LRCH4: variants seen among roughly 807,000 people sequenced by gnomAD.
LRCH4 encodes leucine-rich repeat and calponin homology domain-containing protein 4.
A neutral mutation model predicts 81.2 loss-of-function variants in LRCH4; 56 were observed. That is an observed-to-expected ratio of 0.69 (90% confidence interval 0.56 to 0.86). The LOEUF (loss-of-function observed/expected upper bound fraction) is 0.86, where lower values mean the gene tolerates loss of function less well. Ranked by LOEUF, LRCH4 falls within the 40% of genes least tolerant of loss-of-function variation. LRCH4 has a pLI of 0.00. For synonymous variants in LRCH4, 442 were observed against 409.7 expected, an observed-to-expected ratio of 1.08 and a Z score of -0.95; for missense variants, 895 against 922.8, an observed-to-expected ratio of 0.97 and a Z score of 0.39.
chr7:100,584,674 C>G (rs1430320263), intron 1 of LRCH4: 1 of 456,380 alleles, frequency 2.2e-6, no homozygotes, highest in African/African-American at 2.0e-5. Flanking sequence ...GGAGCTCACT[C>G]ATTCCCCATC....
In LRCH4 at chr7:100,575,537, A is replaced by ACATGCAGGGCAGGGGG. The variant is rs748664933; in HGVS notation, c.1854+152_1854+167dup. On this transcript the variant is annotated intron_variant, in intron 17 of 17. Coordinates refer to ENST00000310300, the MANE Select transcript of LRCH4 (RefSeq NM_002319.5). The surrounding 1 kb of genome is among the most constrained non-coding windows in gnomAD (Gnocchi z 5.3). ...GGGCAGGGGATGTGTAGGACAGGTG[A>ACATGCAGGGCAGGGGG]CATGCAGGGCAGGGGGCATGCAGGG... 35 of 912,742 alleles carry ACATGCAGGGCAGGGGG rather than the reference A, an allele frequency of 3.8e-5. No individual in the cohort carries two copies. Among genetic ancestry groups the ACATGCAGGGCAGGGGG allele is most frequent in the Middle Eastern group, 2.1e-4 (1 of 4,670 alleles). 56.5% of individuals were successfully genotyped at this position (912,742 alleles called of 1,614,324 possible).
chr7:100,584,265 G>A (rs899654715), intron 1 of LRCH4: 3 of 456,338 alleles, frequency 6.6e-6, no homozygotes, highest in African/African-American at 4.0e-5. Flanking sequence ...AGGGGACAGA[G>A]GAGAGAATTC....
In LRCH4 at chr7:100,575,191, G is replaced by C; in HGVS notation, c.1968C>G (p.Pro656=). Residue 656 remains proline, a synonymous_variant, in exon 18 of 18, where the codon CCC becomes CCG. Coordinates refer to ENST00000310300, the MANE Select transcript of LRCH4 (RefSeq NM_002319.5). The surrounding 1 kb of genome is among the most constrained non-coding windows in gnomAD (Gnocchi z 5.3). Reference sequence around the variant, plus strand: ...AGACGACGAAGCCGCCCAGACCAGAGGGGGGCCAGAGGGGCGGTAGGGCCT... The same window carrying C: ...AGACGACGAAGCCGCCCAGACCAGACGGGGGCCAGAGGGGCGGTAGGGCCT... ...GGKALPPLWP[P]SGLGGFVVFY... is the part of the protein sequence containing the mutation. The C allele has an allele frequency of 1.2e-6, 2 of 1,613,152 alleles. No homozygotes were observed. Among genetic ancestry groups the C allele is most frequent in the South Asian group, 1.1e-5 (1 of 90,940 alleles).
In LRCH4 at chr7:100,577,141, C is replaced by T. The variant is rs1204234621; in HGVS notation, c.1309G>A (p.Gly437Arg). Residue 437 changes from glycine (G) to arginine (R), a missense_variant, in exon 12 of 18, where the codon GGG becomes AGG. Gly to Arg is a moderately radical substitution (Grantham distance 125). Coordinates refer to ENST00000310300, the MANE Select transcript of LRCH4 (RefSeq NM_002319.5). This position sits in a 1 kb window ranked among gnomAD's most constrained non-coding sequence, Gnocchi z 6.7. ...GCCCCTCCCACAACAGCCCTGAGCC[C>T]TGGCTTCAAGAGGCTGGAACAAGGA... ...APRKDSLLKPGLRAVVGGAAA... is the reference protein window; with the variant it reads ...APRKDSLLKPRLRAVVGGAAA... The T allele has an allele frequency of 6.2e-7, 1 of 1,614,084 alleles. No homozygotes were observed. Among genetic ancestry groups the T allele is most frequent in the South Asian group, 1.1e-5 (1 of 91,080 alleles).
chr7:100,580,461 GCAAACAACATACATACACACAGACA>G (rs1281574946), intron 4 of LRCH4: 7 of 112,762 alleles, frequency 6.2e-5, no homozygotes, highest in Non-Finnish European at 7.5e-5. Context: ...CCACACACAC[GCAAACAACATACATACACACAGACA>G]CAAACAACAT....
Position 100,575,776 on chromosome 7 carries a change from GTT to G in LRCH4, c.1781_1782del (p.Lys594ThrfsTer24). The G allele has an allele frequency of 6.2e-7, 1 of 1,609,210 alleles. No homozygotes were observed. The highest frequency in any genetic ancestry group is 1.1e-5 in the South Asian group (1 of 90,878). On this transcript the variant is annotated frameshift_variant, in exon 17 of 18. Coordinates refer to ENST00000310300, the MANE Select transcript of LRCH4 (RefSeq NM_002319.5). LOFTEE classifies it high-confidence loss of function. The surrounding 1 kb of genome is among the most constrained non-coding windows in gnomAD (Gnocchi z 5.3). ...TTCTTCCGAGCCTTGAGGGCACTGA[GTT>G]TTGGCTGGGGTGGGTGAAAGAAGAA... is the stretch of plus-strand genomic sequence containing the variant. ...FIHVPSPAVP[K>X]LSALKARKNV...
At chr7:100,580,004 A>ATT (rs1201300635) in intron 4 of LRCH4, 2 of 152,106 alleles carry the variant, frequency 1.3e-5, no homozygotes, top group Non-Finnish European at 2.9e-5. Context: ...AGGGTCAGGG[A>ATT]GTAGGGAGAC....
chr7:100,586,122 G>T lies in LRCH4; in HGVS notation c.-22C>A. 1 of 1,503,778 alleles carries T rather than the reference G, an allele frequency of 6.6e-7. No homozygotes were observed. Among genetic ancestry groups the T allele is most frequent in the Non-Finnish European group, 8.9e-7 (1 of 1,122,468 alleles). 93.2% of individuals were successfully genotyped at this position (1,503,778 alleles called of 1,614,324 possible). On this transcript the variant is annotated 5_prime_UTR_variant, in exon 1 of 18. Coordinates refer to ENST00000310300, the MANE Select transcript of LRCH4 (RefSeq NM_002319.5). The stretch of plus-strand genomic sequence containing the variant: ...CCATCCGCTCCCGGCGGCTCCCGCT[G>T]CCTGACTGACGGGACCGGCCGTCCC...
rs374779281 is a variant in LRCH4 at position 100,577,774 on chromosome 7, G to A, written c.1040-34C>T. The A allele has an allele frequency of 1.9e-6, 3 of 1,613,834 alleles. No homozygotes were observed. The East Asian group carries it at 6.7e-5, about 36-fold the overall frequency. ...GCCAGCATGTCAGCAAGTGAGCGGG[G>A]ACCCAGGCCCTGGTCCAGCCCAGCT... is the stretch of plus-strand genomic sequence containing the variant. On this transcript the variant is annotated intron_variant, in intron 8 of 17. Coordinates refer to ENST00000310300, the MANE Select transcript of LRCH4 (RefSeq NM_002319.5). The surrounding 1 kb of genome is among the most constrained non-coding windows in gnomAD (Gnocchi z 6.7).
chr7:100,583,203 G>A lies in LRCH4; in HGVS notation c.221-744C>T, dbSNP rs1801615473. On this transcript the variant is annotated intron_variant, in intron 1 of 17. Coordinates refer to ENST00000310300, the MANE Select transcript of LRCH4 (RefSeq NM_002319.5). This position sits in a 1 kb window ranked among gnomAD's most constrained non-coding sequence, Gnocchi z 4.3. ...TTCCTACCCTCTGCTAGCCCTAGCA[G>A]CCCGGCTCTGCTTCCTCTCTTACTG... Among the ~76,000 whole-genome samples the A allele has an allele frequency of 1.3e-5, 2 of 152,172 alleles. No homozygotes were observed. The highest frequency in any genetic ancestry group is 2.9e-5 in the Non-Finnish European group (2 of 68,026).
Position 100,577,332 on chromosome 7 carries a change from C to A in LRCH4, c.1236G>T (p.Gln412His). The change falls in exon 11 of 18, where the codon CAG becomes CAT. Residue 412 changes from glutamine (Q) to histidine (H), a missense_variant. Around this residue, in one of 3 missense-constraint regions of LRCH4, gnomAD observed 529 missense variants for 504.9 expected, o/e 1.05. Coordinates refer to ENST00000310300, the MANE Select transcript of LRCH4 (RefSeq NM_002319.5). The surrounding 1 kb of genome is among the most constrained non-coding windows in gnomAD (Gnocchi z 6.7). ...RRRPDTLQLW[Q>H]ERERRQQQQS... Reference sequence around the variant, plus strand: ...GCTGCTGCTGCCGCCGTTCCCGCTCCTGCCACAGCTGCAAGGTGTCCGGGC... The same window carrying A: ...GCTGCTGCTGCCGCCGTTCCCGCTCATGCCACAGCTGCAAGGTGTCCGGGC... 1 of 1,599,422 alleles carries A rather than the reference C, an allele frequency of 6.3e-7. No individual in the cohort carries two copies. Among genetic ancestry groups the A allele is most frequent in the Non-Finnish European group, 8.5e-7 (1 of 1,179,168 alleles).
intron 1 of LRCH4, among the ~76,000 whole-genome samples, chr7:100,585,642 G>C (rs1302489089): frequency 1.3e-5 from 2 of 152,152 alleles, no homozygotes; most frequent in Non-Finnish European, 2.9e-5. Context: ...TAAAGAGAAA[G>C]GAGGAATCTC....
intron 15 of LRCH4, 81 bp downstream of exon 15, chr7:100,576,157 A>C: frequency 1.3e-6 from 2 of 1,515,214 alleles, no homozygotes; most frequent in Non-Finnish European, 1.8e-6. Context: ...GAGGATGTGG[A>C]GGGAGGCTGG....
intron 1 of LRCH4, chr7:100,584,325 G>A (rs1030995202): frequency 1.4e-5 from 6 of 435,082 alleles, no homozygotes; most frequent in Non-Finnish European, 2.3e-5. Context: ...TGTGTAGAGA[G>A]TGGGGCAGAG....
chr7:100,585,978 G>C lies in LRCH4; in HGVS notation c.123C>G (p.Ala41=), dbSNP rs1310915116. The C allele has an allele frequency of 1.5e-5, 24 of 1,612,038 alleles. No homozygotes were observed. The highest frequency in any genetic ancestry group is 2.0e-5 in the Non-Finnish European group (23 of 1,178,946). Residue 41 remains alanine, a synonymous_variant, in exon 1 of 18, where the codon GCC becomes GCG. Transcript: ENST00000310300. ...ACAGGTTCAGGGTCCCGGTGGCCACGGCCTCCTCTAGGGCCCGCTCTGCAC... is the reference window on the plus strand; with the variant it reads ...ACAGGTTCAGGGTCCCGGTGGCCACCGCCTCCTCTAGGGCCCGCTCTGCAC... ...RRSAERALEE[A]VATGTLNLSN...
chr7:100,585,011 C>A (rs563943097), intron 1 of LRCH4: 6 of 348,554 alleles, frequency 1.7e-5, no homozygotes, highest in Non-Finnish European at 3.4e-5. Flanking sequence ...CCACCCCCTA[C>A]CATCCACAGA....
chr7:100,586,120 C>G lies in LRCH4; in HGVS notation c.-20G>C. On this transcript the variant is annotated 5_prime_UTR_variant, in exon 1 of 18. Coordinates refer to ENST00000310300, the MANE Select transcript of LRCH4 (RefSeq NM_002319.5). Reference sequence around the variant, plus strand: ...CGCCATCCGCTCCCGGCGGCTCCCGCTGCCTGACTGACGGGACCGGCCGTC... The same window carrying G: ...CGCCATCCGCTCCCGGCGGCTCCCGGTGCCTGACTGACGGGACCGGCCGTC... The G allele has an allele frequency of 6.6e-7, 1 of 1,504,246 alleles. No homozygotes were observed. Among genetic ancestry groups the G allele is most frequent in the African/African-American group, 1.4e-5 (1 of 71,404 alleles). The allele number at this position is 1,504,246 out of a possible 1,614,324, so 93.2% of individuals were successfully genotyped here.
In LRCH4 at chr7:100,575,846, C is replaced by T. The variant is rs1341137737; in HGVS notation, c.1776+25G>A. 1.2e-6 allele frequency: 2 copies of T among 1,610,866 alleles called. No individual in the cohort carries two copies. The highest frequency in any genetic ancestry group is 1.3e-5 in the African/African-American group (1 of 75,000). ...GCCACAGGCGCCCCGGCCCATCCCC[C>T]ACCTCTTCCCCAGCCCCAACTGACC... On this transcript the variant is annotated intron_variant, in intron 16 of 17. Transcript: ENST00000310300. The surrounding 1 kb of genome is among the most constrained non-coding windows in gnomAD (Gnocchi z 5.3).
rs141496479 is a variant in LRCH4 at position 100,585,493 on chromosome 7, G to T, written c.220+388C>A. Among the ~76,000 whole-genome samples the T allele has an allele frequency of 4.0e-3, 607 of 151,516 alleles. 6 individuals carry two copies. The highest frequency in any genetic ancestry group is 0.014 in the African/African-American group (581 of 41,190). On this transcript the variant is annotated intron_variant, in intron 1 of 17. Coordinates refer to ENST00000310300, the MANE Select transcript of LRCH4 (RefSeq NM_002319.5). ...GGGACGGGGGTTAAGAGGTGTAGATGAAGAGGGAGAGAAAGCAGTTATTAG... is the reference window on the plus strand; with the variant it reads ...GGGACGGGGGTTAAGAGGTGTAGATTAAGAGGGAGAGAAAGCAGTTATTAG...
Sources: allele counts gnomAD v4.1 joint callset (sites outside exome capture counted in the v4.1 genomes callset), GRCh38; gene constraint gnomAD v4.1.1; regional missense constraint gnomAD v4.1.1; non-coding constraint Gnocchi (gnomAD v3.1); transcripts MANE v1.5; gene names NCBI Gene and HGNC (gene_info 2026-07-23, HGNC 2026-07-21).